SPATA6: variants seen among roughly 807,000 people sequenced by gnomAD.
The protein encoded by SPATA6 is spermatogenesis associated 6.
A neutral mutation model predicts 65.3 loss-of-function variants in SPATA6; 56 were observed. That is an observed-to-expected ratio of 0.86 (90% CI 0.69 to 1.07). SPATA6 has a LOEUF of 1.07. Ranked by LOEUF, SPATA6 falls within the 50% of genes least tolerant of loss-of-function variation. The pLI is 0.00. For synonymous variants in SPATA6, 199 were observed against 213.2 expected, an observed-to-expected ratio of 0.93 and a Z score of 0.58; for missense variants, 590 against 594.8, an observed-to-expected ratio of 0.99 and a Z score of 0.08.
intron 11 of SPATA6, among the ~76,000 whole-genome samples, chr1:48,338,079 G>A (rs1290005766): frequency 4.6e-5 from 7 of 151,898 alleles, no homozygotes; most frequent in Admixed American, 1.3e-4. Flanking sequence ...CAAACCTATA[G>A]TAAATTGAAA....
chr1:48,292,503 G>T (rs1198680441), downstream of SPATA6, among the ~76,000 whole-genome samples: 1 of 152,220 alleles, frequency 6.6e-6, no homozygotes, highest in Non-Finnish European at 1.5e-5. Flanking sequence ...ACTGGGGAGA[G>T]CTAGGGGTGC....
chr1:48,277,391 G>A, the SPATA6 span, among the ~76,000 whole-genome samples: 2 of 152,176 alleles, frequency 1.3e-5, no homozygotes, highest in East Asian at 1.9e-4. Flanking sequence ...CCTCACTTGG[G>A]AAGCGCAAGG....
At chr1:48,351,423 C>T (rs980648462) in intron 11 of SPATA6, among the ~76,000 whole-genome samples, 1 of 151,988 alleles carries the variant, frequency 6.6e-6, no homozygotes, top group African/African-American at 2.4e-5. Flanking sequence ...CAGTCTTTCA[C>T]CAGTGAGCAT....
chr1:48,458,574 T>C (rs1207244214), intron 1 of SPATA6, among the ~76,000 whole-genome samples: 1 of 152,154 alleles, frequency 6.6e-6, no homozygotes, highest in Non-Finnish European at 1.5e-5. Context: ...AGGCAAAATA[T>C]GGTATGTCCA....
At chr1:48,312,490 A>AG in intron 11 of SPATA6, among the ~76,000 whole-genome samples, 1 of 152,176 alleles carries the variant, frequency 6.6e-6, no homozygotes. Context: ...GAGGGTCCTC[A>AG]CTGCTAGAAG....
At chr1:48,436,877 C>A in intron 3 of SPATA6, 10 of 1,613,092 alleles carry the variant, frequency 6.2e-6, no homozygotes, top group Non-Finnish European at 8.5e-6. Context: ...ATGAAAAATT[C>A]CCGGTCAGGT....
intron 11 of SPATA6, among the ~76,000 whole-genome samples, chr1:48,314,780 T>C (rs1361799513): frequency 6.6e-6 from 1 of 151,766 alleles, no homozygotes; most frequent in African/African-American, 2.4e-5. Context: ...ATCAACAAAA[T>C]TGATAGACCG....
intron 8 of SPATA6, among the ~76,000 whole-genome samples, chr1:48,390,376 A>C (rs1649924222): frequency 6.6e-6 from 1 of 152,226 alleles, no homozygotes; most frequent in Non-Finnish European, 1.5e-5. Context: ...TCTCTCATAG[A>C]AAGTAGAATA....
intron 9 of SPATA6, among the ~76,000 whole-genome samples, chr1:48,368,914 T>A (rs1647130949): frequency 6.6e-6 from 1 of 152,188 alleles, no homozygotes; most frequent in South Asian, 2.1e-4. Context: ...TTTTTCCCCA[T>A]CTTTGTGGTT....
At chr1:48,410,762 C>G (rs1429974493) in intron 5 of SPATA6, among the ~76,000 whole-genome samples, 3 of 152,144 alleles carry the variant, frequency 2.0e-5, no homozygotes, top group African/African-American at 4.8e-5. Flanking sequence ...TTCGTGAGAA[C>G]TCACTTGCTA....
chr1:48,286,228 T>A, the SPATA6 span, among the ~76,000 whole-genome samples: 2 of 152,170 alleles, frequency 1.3e-5, no homozygotes, highest in African/African-American at 4.8e-5. Flanking sequence ...CATTGGGATT[T>A]TGATAAGAAC....
chr1:48,262,819 T>C, the SPATA6 span: 2 of 152,178 alleles, frequency 1.3e-5, no homozygotes, highest in Admixed American at 6.5e-5. Flanking sequence ...CACTGCTTTT[T>C]AAAATCACAA....
At chr1:48,377,221 T>C (rs756975912) in intron 9 of SPATA6, among the ~76,000 whole-genome samples, 7 of 152,160 alleles carry the variant, frequency 4.6e-5, no homozygotes, top group Non-Finnish European at 8.8e-5. Flanking sequence ...AATCTCGCCA[T>C]GTCACCTTGC....
At chr1:48,312,377 T>C (rs1645244906) in intron 11 of SPATA6, among the ~76,000 whole-genome samples, 1 of 152,146 alleles carries the variant, frequency 6.6e-6, no homozygotes, top group Non-Finnish European at 1.5e-5. Flanking sequence ...GGCAGCAACA[T>C]TTGCTGTTCA....
chr1:48,265,563 C>T, the SPATA6 span, among the ~76,000 whole-genome samples: 1 of 151,878 alleles, frequency 6.6e-6, no homozygotes, highest in South Asian at 2.1e-4. Flanking sequence ...GAGGCTAACA[C>T]AACGAAAATA....
At chr1:48,437,307 G>C in intron 3 of SPATA6, 1 of 1,465,682 alleles carries the variant, frequency 6.8e-7, no homozygotes, top group Non-Finnish European at 9.2e-7. Context: ...ACAAATACGA[G>C]AATTATACTT....
chr1:48,324,074 C>T (rs1361260636), intron 11 of SPATA6, among the ~76,000 whole-genome samples: 1 of 152,080 alleles, frequency 6.6e-6, no homozygotes, highest in African/African-American at 2.4e-5. Context: ...CTCAGCCTCC[C>T]AAGTAGCTAG....
intron 9 of SPATA6, among the ~76,000 whole-genome samples, chr1:48,371,441 G>C (rs1647277607): frequency 6.6e-6 from 1 of 152,112 alleles, no homozygotes. Flanking sequence ...GAAATTTATA[G>C]ATGATCCTAT....
At chr1:48,385,169 C>A in intron 9 of SPATA6, 140 bp downstream of exon 9, 1 of 766,576 alleles carries the variant, frequency 1.3e-6, no homozygotes. Flanking sequence ...ACCAAAATAA[C>A]ATTATATGAC....
Sources: allele counts gnomAD v4.1 joint callset (sites outside exome capture counted in the v4.1 genomes callset), GRCh38; gene constraint gnomAD v4.1.1; transcripts MANE v1.5; gene names NCBI Gene and HGNC (gene_info 2026-07-23, HGNC 2026-07-21).